The following RPRD2 variants were observed in gnomAD, a reference collection of about 807,000 sequenced individuals.
RPRD2 encodes the protein regulation of nuclear pre-mRNA domain-containing protein 2.
Under a neutral mutation model 104.4 loss-of-function variants are expected in RPRD2, and 12 were observed. That is an observed-to-expected ratio of 0.11 (90% confidence interval 0.07 to 0.19). RPRD2 has a LOEUF of 0.19. RPRD2 is among the 10% of genes least tolerant of loss of function. RPRD2 has a pLI of 1.00. For missense variants in RPRD2, 1,543 were observed against 1,790.1 expected (o/e 0.86, Z 2.49); for synonymous variants, 714 against 684.9 (o/e 1.04, Z -0.66).
intron 2 of RPRD2, among the ~76,000 whole-genome samples, chr1:150,432,465 C>T (rs184175515): frequency 6.6e-6 from 1 of 151,766 alleles, no homozygotes; most frequent in East Asian, 1.9e-4. Flanking sequence ...AGAGGTGGAG[C>T]CTTTGGGAGG....
chr1:150,376,357 T>G (rs905519570), intron 1 of RPRD2, among the ~76,000 whole-genome samples: 1 of 152,288 alleles, frequency 6.6e-6, no homozygotes, highest in South Asian at 2.1e-4. Flanking sequence ...TTAGTAAAAG[T>G]TGCACTGTGA....
rs587596692 is a variant in RPRD2 at position 150,364,560 on chromosome 1, C to T, written c.-155C>T. ...CCAGCAGCTGGTGTTCCCGTCCGTA[C>T]CTCCAGAAGAGCCCAGCGCGTGCAC... is the stretch of plus-strand genomic sequence containing the variant. On this transcript the variant is annotated 5_prime_UTR_variant, in exon 1 of 11. Coordinates refer to ENST00000369068, the MANE Select transcript of RPRD2 (RefSeq NM_015203.5). 442 of 576,062 alleles carry T rather than the reference C, an allele frequency of 7.7e-4. 10 individuals carry two copies. In the South Asian group the frequency reaches 8.6e-3, roughly 11 times the overall value. The allele number at this position is 576,062 out of a possible 1,614,324, so 35.7% of individuals were successfully genotyped here. A position where few individuals can be genotyped will look rare whatever the true frequency, so the allele number is the denominator to read the frequency against.
At position 150,473,430 on chromosome 1, in the gene RPRD2, G is replaced by A. The variant is rs587596238; in HGVS notation, c.*96G>A. ...TGTTTTTATTTGTTTTCTCTTTCTC[G>A]ATTTTTTTTTTATTATAACAAAGGG... On this transcript the variant is annotated 3_prime_UTR_variant, in exon 11 of 11. Coordinates refer to ENST00000369068, the MANE Select transcript of RPRD2 (RefSeq NM_015203.5). 1.3e-4 allele frequency: 169 copies of A among 1,288,778 alleles called. No individual in the cohort carries two copies. The South Asian group carries it at 2.2e-3, about 17-fold the overall frequency. 79.8% of individuals were successfully genotyped at this position (1,288,778 alleles called of 1,614,324 possible).
intron 2 of RPRD2, among the ~76,000 whole-genome samples, chr1:150,423,296 T>A (rs1339818328): frequency 6.6e-6 from 1 of 152,180 alleles, no homozygotes; most frequent in Non-Finnish European, 1.5e-5. Context: ...ACGACTTCAA[T>A]AAGTTATATA....
At chr1:150,446,833 CTTTT>C (rs782290005) in intron 7 of RPRD2, among the ~76,000 whole-genome samples, 3 of 127,502 alleles carry the variant, frequency 2.4e-5, no homozygotes, top group African/African-American at 3.0e-5. Flanking sequence ...AGACCTGGGT[CTTTT>C]TTTTTTTTTT....
chr1:150,390,312 T>G (rs1661966089), intron 1 of RPRD2, among the ~76,000 whole-genome samples: 1 of 152,174 alleles, frequency 6.6e-6, no homozygotes, highest in African/African-American at 2.4e-5. Flanking sequence ...CTGGCCAACA[T>G]GGTGAAACTC....
chr1:150,472,819 A>T lies in RPRD2; in HGVS notation c.3871A>T (p.Thr1291Ser), dbSNP rs1376522222. 3 of 1,600,212 alleles carry T rather than the reference A, an allele frequency of 1.9e-6. No individual in the cohort carries two copies. In the African/African-American group the frequency reaches 4.2e-5, roughly 22 times the overall value. Residue 1291 changes from threonine (T) to serine (S), a missense_variant, in exon 11 of 11, where the codon ACT becomes TCT. By Grantham distance (58) the Thr-to-Ser change is moderately conservative. This residue lies in a region of RPRD2 where 880 missense variants were observed against 885.6 expected (regional missense o/e 0.99). Transcript: ENST00000369068. ...TGGTGGGAGTGGTGTCCCCTTTTCTACTCCACCCCCTCCTCCACCCCCTGT... is the reference window on the plus strand; with the variant it reads ...TGGTGGGAGTGGTGTCCCCTTTTCTTCTCCACCCCCTCCTCCACCCCCTGT... ...SSGGSGVPFS[T>S]PPPPPPPVDH...
chr1:150,438,584 G>A (rs1292837090), intron 2 of RPRD2, among the ~76,000 whole-genome samples: 2 of 151,712 alleles, frequency 1.3e-5, no homozygotes, highest in South Asian at 2.1e-4. Flanking sequence ...AGCCGAGATC[G>A]CACCATTGCA....
At chr1:150,400,904 C>T (rs1318911808) in intron 1 of RPRD2, among the ~76,000 whole-genome samples, 9 of 151,600 alleles carry the variant, frequency 5.9e-5, no homozygotes, top group African/African-American at 1.9e-4. Context: ...GAGGGCTGGG[C>T]GCGGTGGCTC....
chr1:150,471,894 C>A lies in RPRD2; in HGVS notation c.2946C>A (p.Ala982=). 6.2e-7 allele frequency: 1 copy of A among 1,613,948 alleles called. No individual in the cohort carries two copies. The highest frequency in any genetic ancestry group is 8.5e-7 in the Non-Finnish European group (1 of 1,179,884). ...RSLFSPQNTL[A]APTGHPPTSG... is the part of the protein sequence containing the mutation. ...TTTTCTCTCCGCAGAACACCCTTGCCGCTCCCACGGGTCACCCACCCACGT... is the reference window on the plus strand; with the variant it reads ...TTTTCTCTCCGCAGAACACCCTTGCAGCTCCCACGGGTCACCCACCCACGT... The change falls in exon 11 of 11, where the codon GCC becomes GCA. Residue 982 remains alanine, a synonymous_variant. Transcript: ENST00000369068. The surrounding 1 kb of genome is among the most constrained non-coding windows in gnomAD (Gnocchi z 5.3).
intron 9 of RPRD2, among the ~76,000 whole-genome samples, chr1:150,461,737 T>G (rs1667944341): frequency 1.3e-5 from 2 of 152,156 alleles, no homozygotes; most frequent in Admixed American, 1.3e-4. Context: ...TCCCAGCACT[T>G]TGGGAGGCCG....
chr1:150,418,790 G>A (rs1336423551), intron 2 of RPRD2, among the ~76,000 whole-genome samples: 1 of 152,080 alleles, frequency 6.6e-6, no homozygotes, highest in Non-Finnish European at 1.5e-5. Context: ...GGCGGGTGGT[G>A]GATCATGAGG....
intron 2 of RPRD2, among the ~76,000 whole-genome samples, chr1:150,431,404 C>CA (rs1665559247): frequency 6.7e-6 from 1 of 148,672 alleles, no homozygotes. Flanking sequence ...ACATGTTTGT[C>CA]AGTGGATGAA....
intron 7 of RPRD2, 94 bp from the exon 8 acceptor site, chr1:150,457,194 A>C: frequency 8.1e-7 from 1 of 1,228,728 alleles, no homozygotes; most frequent in Non-Finnish European, 1.1e-6. Flanking sequence ...ACTACACTCT[A>C]GCCTGGGTGA....
chr1:150,410,307 A>G (rs1303411966), intron 1 of RPRD2, among the ~76,000 whole-genome samples: 1 of 152,136 alleles, frequency 6.6e-6, no homozygotes, highest in Non-Finnish European at 1.5e-5. Context: ...AATATGATCA[A>G]TTTATATTTT....
intron 1 of RPRD2, among the ~76,000 whole-genome samples, chr1:150,395,918 A>G (rs1662485067): frequency 6.6e-6 from 1 of 152,150 alleles, no homozygotes; most frequent in South Asian, 2.1e-4. Context: ...GAATCTCCAC[A>G]CTGTTTTCCA....
In RPRD2 at chr1:150,476,062, TGAAA is replaced by T. The variant is rs1431904904; in HGVS notation, c.*2731_*2734del. On this transcript the variant is annotated 3_prime_UTR_variant, in exon 11 of 11. Coordinates refer to ENST00000369068, the MANE Select transcript of RPRD2 (RefSeq NM_015203.5). ...TCAGAAATAGGGTCCTTAAGTATTT[TGAAA>T]GAGTTTACTCTTCAGTCAGCTTAGA... is the stretch of plus-strand genomic sequence containing the variant. The T allele has an allele frequency of 6.6e-6, 1 of 152,188 alleles. No homozygotes were observed. Among genetic ancestry groups the T allele is most frequent in the African/African-American group, 2.4e-5 (1 of 41,436 alleles). The allele number at this position is 152,188 out of a possible 1,614,324, so 9.4% of individuals were successfully genotyped here.
chr1:150,459,068 C>T (rs903986829), intron 8 of RPRD2, among the ~76,000 whole-genome samples: 3 of 152,234 alleles, frequency 2.0e-5, no homozygotes, highest in Non-Finnish European at 4.4e-5. Context: ...TACTGGAATT[C>T]CTTATTCTCT....
intron 1 of RPRD2, among the ~76,000 whole-genome samples, chr1:150,406,708 C>G (rs1055571517): frequency 2.6e-5 from 4 of 152,012 alleles, no homozygotes; most frequent in Non-Finnish European, 4.4e-5. Flanking sequence ...CAAGTACTTA[C>G]AAGTAAATTC....
Sources: allele counts gnomAD v4.1 joint callset (sites outside exome capture counted in the v4.1 genomes callset), GRCh38; gene constraint gnomAD v4.1.1; regional missense constraint gnomAD v4.1.1; non-coding constraint Gnocchi (gnomAD v3.1); transcripts MANE v1.5; gene names NCBI Gene and HGNC (gene_info 2026-07-23, HGNC 2026-07-21).